Variants in TIMP2 observed in about 807,000 individuals in gnomAD.
The protein encoded by TIMP2 is TIMP metallopeptidase inhibitor 2.
TIMP2 carries 5 observed loss-of-function variants against 24.3 expected under a neutral mutation model. The observed-to-expected ratio is 0.21, with a 90% CI of 0.11 to 0.43. The LOEUF (loss-of-function observed/expected upper bound fraction) is 0.43, where lower values mean the gene tolerates loss of function less well. TIMP2 is among the 20% of genes least tolerant of loss of function. The pLI is 1.00. For synonymous variants in TIMP2, 130 were observed against 123.2 expected, an observed-to-expected ratio of 1.06 and a Z score of -0.37; for missense variants, 221 against 297.5, an observed-to-expected ratio of 0.74 and a Z score of 1.89.
At chr17:78,871,314 T>C (rs1041051386) in intron 2 of TIMP2, among the ~76,000 whole-genome samples, 1 of 151,894 alleles carries the variant, frequency 6.6e-6, no homozygotes, top group Admixed American at 6.6e-5. Context: ...TAGCTGAGCA[T>C]GGTGGCAAGC....
chr17:78,892,190 T>C, intron 1 of TIMP2: 2 of 1,551,006 alleles, frequency 1.3e-6, no homozygotes, highest in Non-Finnish European at 1.7e-6. Context: ...CTGGAGCTGG[T>C]AGTTTTTCCA....
At chr17:78,874,898 A>G (rs1328946234) in intron 1 of TIMP2, among the ~76,000 whole-genome samples, 2 of 151,690 alleles carry the variant, frequency 1.3e-5, no homozygotes, top group Non-Finnish European at 2.9e-5. Flanking sequence ...CTGCCACCAC[A>G]CCCAGCTAAT....
chr17:78,923,998 G>A (rs2070329651), intron 1 of TIMP2, among the ~76,000 whole-genome samples: 1 of 152,210 alleles, frequency 6.6e-6, no homozygotes, highest in Admixed American at 6.5e-5. Flanking sequence ...CACCTGCCGT[G>A]TAGCCAGACT....
chr17:78,862,663 G>A (rs1309133814), intron 3 of TIMP2, among the ~76,000 whole-genome samples: 2 of 152,236 alleles, frequency 1.3e-5, no homozygotes, highest in African/African-American at 4.8e-5. Flanking sequence ...CCCAGGTAGT[G>A]GGCATAGCGC....
intron 1 of TIMP2, among the ~76,000 whole-genome samples, chr17:78,914,337 C>A (rs995750592): frequency 3.4e-4 from 51 of 150,960 alleles, no homozygotes; most frequent in African/African-American, 1.2e-3. Context: ...GGATGGAGTA[C>A]GGTGGCCCGA....
rs1033923277 is a variant in TIMP2 at position 78,920,156 on chromosome 17, C to T, written c.130+4803G>A. 1.3e-5 allele frequency among the ~76,000 whole-genome samples: 2 copies of T among 152,166 alleles called. No homozygotes were observed. Among genetic ancestry groups the T allele is most frequent in the African/African-American group, 2.4e-5 (1 of 41,442 alleles). On this transcript the variant is annotated intron_variant, in intron 1 of 4. Transcript: ENST00000262768. The surrounding 1 kb of genome is among the most constrained non-coding windows in gnomAD (Gnocchi z 4.5). ...CATCAGGACTGGAGACGGCTGCCCGCGCCTCTCAGTCTCCCAGGAGTCATC... is the reference window on the plus strand; with the variant it reads ...CATCAGGACTGGAGACGGCTGCCCGTGCCTCTCAGTCTCCCAGGAGTCATC...
At chr17:78,918,044 AC>A (rs1254269426) in intron 1 of TIMP2, among the ~76,000 whole-genome samples, 2 of 124,578 alleles carry the variant, frequency 1.6e-5, no homozygotes, top group African/African-American at 2.8e-5. Context: ...CACAAAAAAA[AC>A]ACGTACGCGT....
rs1011091870 is a variant in TIMP2, at chr17:78,891,976, T to C, written c.131-18057A>G. 6.4e-7 allele frequency: 1 copy of C among 1,550,552 alleles called. No homozygotes were observed. The highest frequency in any genetic ancestry group is 1.4e-5 in the African/African-American group (1 of 73,034). On this transcript the variant is annotated intron_variant, in intron 1 of 4. Transcript: ENST00000262768. This position sits in a 1 kb window ranked among gnomAD's most constrained non-coding sequence, Gnocchi z 4.5. ...CCAACTCTTCCCTGCAACTCCTCTCTTCACTAAGGGCTGCTCTATGCTTCT... is the reference window on the plus strand; with the variant it reads ...CCAACTCTTCCCTGCAACTCCTCTCCTCACTAAGGGCTGCTCTATGCTTCT...
chr17:78,873,186 C>T (rs1363404338), intron 2 of TIMP2, among the ~76,000 whole-genome samples: 1 of 152,138 alleles, frequency 6.6e-6, no homozygotes, highest in Non-Finnish European at 1.5e-5. Flanking sequence ...GCTGTCCCTC[C>T]ACCTGCGACA....
At chr17:78,893,610 C>T (rs1420018907) in intron 1 of TIMP2, among the ~76,000 whole-genome samples, 1 of 151,656 alleles carries the variant, frequency 6.6e-6, no homozygotes, top group African/African-American at 2.4e-5. Flanking sequence ...TCTGTGTGTG[C>T]CTCTGTGTGC....
At chr17:78,911,499 C>A (rs1239734448) in intron 1 of TIMP2, among the ~76,000 whole-genome samples, 1 of 152,064 alleles carries the variant, frequency 6.6e-6, no homozygotes, top group Non-Finnish European at 1.5e-5. Context: ...GGCGTGATCT[C>A]AGCTCACTGC....
intron 3 of TIMP2, among the ~76,000 whole-genome samples, chr17:78,865,578 C>A (rs553280673): frequency 6.9e-6 from 1 of 145,316 alleles, no homozygotes; most frequent in Non-Finnish European, 1.5e-5. Context: ...GAGTTGAGAC[C>A]ACGCCATTGC....
chr17:78,880,401 C>G (rs1302869095), intron 1 of TIMP2, among the ~76,000 whole-genome samples: 1 of 152,104 alleles, frequency 6.6e-6, no homozygotes, highest in East Asian at 1.9e-4. Context: ...AAAATTGCCT[C>G]GAAAGGCCGG....
intron 1 of TIMP2, among the ~76,000 whole-genome samples, chr17:78,885,356 G>GA: frequency 6.6e-6 from 1 of 152,250 alleles, no homozygotes; most frequent in African/African-American, 2.4e-5. Flanking sequence ...ACCGTGCGGG[G>GA]TACCTGGAAG....
At chr17:78,867,754 C>A (rs2069630833) in intron 3 of TIMP2, among the ~76,000 whole-genome samples, 1 of 152,056 alleles carries the variant, frequency 6.6e-6, no homozygotes, top group African/African-American at 2.4e-5. Flanking sequence ...CGCCACCACG[C>A]CCGGCTAATT....
intron 1 of TIMP2, among the ~76,000 whole-genome samples, chr17:78,922,626 T>C (rs2070316370): frequency 6.6e-6 from 1 of 152,110 alleles, no homozygotes; most frequent in Non-Finnish European, 1.5e-5. Flanking sequence ...GAGACCAGCC[T>C]GGCCAACATG....
At chr17:78,857,489 G>A in intron 4 of TIMP2, 33 bp downstream of exon 4, 1 of 1,613,680 alleles carries the variant, frequency 6.2e-7, no homozygotes, top group Non-Finnish European at 8.5e-7. Context: ...ACTGGGAGGA[G>A]GCGATGCTCC....
Position 78,855,453 on chromosome 17 carries a change from A to C in TIMP2, c.*214T>G. On this transcript the variant is annotated 3_prime_UTR_variant, in exon 5 of 5. Coordinates refer to ENST00000262768, the MANE Select transcript of TIMP2 (RefSeq NM_003255.5). This position sits in a 1 kb window ranked among gnomAD's most constrained non-coding sequence, Gnocchi z 6.0. ...AAGCCCCAGACACATAGTGCCTGGC[A>C]GAGGGAGGATGGGATGAGGACCTTG... 1 of 603,706 alleles carries C rather than the reference A, an allele frequency of 1.7e-6. No individual in the cohort carries two copies. The highest frequency in any genetic ancestry group is 2.9e-6 in the Non-Finnish European group (1 of 345,744). The allele number at this position is 603,706 out of a possible 1,614,324, so 37.4% of individuals were successfully genotyped here.
chr17:78,856,291 A>G (rs550358578), intron 4 of TIMP2: 1 of 194,450 alleles, frequency 5.1e-6, no homozygotes, highest in East Asian at 1.2e-4. Flanking sequence ...CCTAGGCTAC[A>G]AGAGGATGAC....
Sources: allele counts gnomAD v4.1 joint callset (sites outside exome capture counted in the v4.1 genomes callset), GRCh38; gene constraint gnomAD v4.1.1; non-coding constraint Gnocchi (gnomAD v3.1); transcripts MANE v1.5; gene names NCBI Gene and HGNC (gene_info 2026-07-23, HGNC 2026-07-21).